Variants in DLG2 observed in about 807,000 individuals in gnomAD.
DLG2 encodes disks large homolog 2.
A neutral mutation model predicts 132.5 loss-of-function variants in DLG2; 45 were observed. That is an observed-to-expected ratio of 0.34 (90% CI 0.27 to 0.44). The LOEUF (loss-of-function observed/expected upper bound fraction) is 0.44, where lower values mean the gene tolerates loss of function less well. Ranked by LOEUF, DLG2 falls within the 20% of genes least tolerant of loss-of-function variation. DLG2 has a pLI of 1.00. For missense variants in DLG2, 1,045 were observed against 1,196.9 expected, an observed-to-expected ratio of 0.87 and a Z score of 1.87; for synonymous variants, 424 against 419.6, an observed-to-expected ratio of 1.01 and a Z score of -0.13.
In DLG2 at chr11:84,445,049, T is replaced by C. The variant is rs564680993; in HGVS notation, c.519+89521A>G. On this transcript the variant is annotated intron_variant, in intron 7 of 27. Coordinates refer to ENST00000376104, the MANE Select transcript of DLG2 (RefSeq NM_001142699.3). ...AACTCCTGACCTCAGGCAGACCAGG[T>C]AATCCGCCTGCCTCGGCTTCCCAAA... Among the ~76,000 whole-genome samples the C allele has an allele frequency of 1.2e-3, 177 of 152,234 alleles. 1 individual carries two copies. Among genetic ancestry groups the C allele is most frequent in the African/African-American group, 4.1e-3 (171 of 41,526 alleles).
At chr11:83,977,960 G>A (rs900389340) in intron 12 of DLG2, among the ~76,000 whole-genome samples, 3 of 152,076 alleles carry the variant, frequency 2.0e-5, no homozygotes, top group African/African-American at 7.2e-5. Context: ...TGTAGGAATA[G>A]AAATATTCTA....
At chr11:84,545,126 A>G in intron 6 of DLG2, 1 of 446,702 alleles carries the variant, frequency 2.2e-6, no homozygotes, top group South Asian at 1.6e-5. Context: ...GTTTCTTTGC[A>G]GTAATTAGAA....
intron 3 of DLG2, among the ~76,000 whole-genome samples, chr11:85,509,642 T>G (rs2094012172): frequency 6.7e-6 from 1 of 150,060 alleles, no homozygotes; most frequent in African/African-American, 2.4e-5. Context: ...AATGCAGACC[T>G]ATTATTATTT....
At chr11:84,438,391 T>G (rs1486704213) in intron 7 of DLG2, among the ~76,000 whole-genome samples, 2 of 152,080 alleles carry the variant, frequency 1.3e-5, no homozygotes, top group African/African-American at 2.4e-5. Context: ...GGACGATTTT[T>G]TGACATAGTT....
At chr11:83,945,098 C>T (rs776418275) in intron 14 of DLG2, among the ~76,000 whole-genome samples, 9 of 152,072 alleles carry the variant, frequency 5.9e-5, no homozygotes, top group Admixed American at 2.0e-4. Flanking sequence ...CAAACTTTCA[C>T]GGTGGATATT....
At chr11:84,584,100 T>C (rs1027081414) in intron 6 of DLG2, among the ~76,000 whole-genome samples, 4 of 152,236 alleles carry the variant, frequency 2.6e-5, no homozygotes, top group Admixed American at 2.6e-4. Flanking sequence ...TGTTCAGCTT[T>C]ATAAAATAAT....
chr11:84,568,069 T>A (rs1428562248), intron 6 of DLG2, among the ~76,000 whole-genome samples: 10 of 152,160 alleles, frequency 6.6e-5, no homozygotes, highest in Non-Finnish European at 1.3e-4. Context: ...ACTTTGGTTT[T>A]ACCTCACAGG....
chr11:85,201,006 A>G (rs2081417519), intron 4 of DLG2, among the ~76,000 whole-genome samples: 1 of 151,252 alleles, frequency 6.6e-6, no homozygotes, highest in Admixed American at 6.6e-5. Flanking sequence ...GGCTAATGAG[A>G]ATAAGCTCTC....
At chr11:84,251,939 G>A (rs756708134) in intron 7 of DLG2, among the ~76,000 whole-genome samples, 1 of 151,796 alleles carries the variant, frequency 6.6e-6, no homozygotes, top group Non-Finnish European at 1.5e-5. Flanking sequence ...CACTCGACCT[G>A]TATCATTTCT....
intron 16 of DLG2, among the ~76,000 whole-genome samples, chr11:83,837,647 G>A (rs1477904843): frequency 6.7e-6 from 1 of 150,310 alleles, no homozygotes; most frequent in Non-Finnish European, 1.5e-5. Context: ...GGTTTTACTT[G>A]GGGCTGTTTT....
chr11:84,569,959 C>A (rs1427159548), intron 6 of DLG2, among the ~76,000 whole-genome samples: 1 of 152,136 alleles, frequency 6.6e-6, no homozygotes, highest in Non-Finnish European at 1.5e-5. Flanking sequence ...CTAATTCTAA[C>A]TAATTACCTG....
chr11:84,009,789 T>C (rs891659794), intron 11 of DLG2, among the ~76,000 whole-genome samples: 5 of 152,104 alleles, frequency 3.3e-5, no homozygotes, highest in Non-Finnish European at 5.9e-5. Context: ...GAAAATTACA[T>C]TTCATTCACT....
intron 7 of DLG2, among the ~76,000 whole-genome samples, chr11:84,338,364 T>C (rs2098497810): frequency 6.6e-6 from 1 of 152,228 alleles, no homozygotes; most frequent in Non-Finnish European, 1.5e-5. Context: ...TAACTGGATC[T>C]AAAACTTAGC....
intron 6 of DLG2, among the ~76,000 whole-genome samples, chr11:84,547,442 T>A (rs953627120): frequency 6.6e-6 from 1 of 152,270 alleles, no homozygotes; most frequent in East Asian, 1.9e-4. Flanking sequence ...TGCACTTTTG[T>A]ATGCAAAAAG....
At position 83,566,890 on chromosome 11, in the gene DLG2, T is replaced by A. The variant is rs77485812; in HGVS notation, c.1941-25032A>T. On this transcript the variant is annotated intron_variant, in intron 19 of 27. Transcript: ENST00000376104. ...ATATGAGAGTAAATAAAATACTGTA[T>A]GCAAATTTCTGAAAACAGTGCCTAA... 3.6e-3 allele frequency among the ~76,000 whole-genome samples: 542 copies of A among 152,282 alleles called. 2 individuals are homozygous for A. Among genetic ancestry groups the A allele is most frequent in the African/African-American group, 0.012 (509 of 41,560 alleles).
chr11:85,002,842 C>A (rs572015516), intron 6 of DLG2, among the ~76,000 whole-genome samples: 1 of 151,966 alleles, frequency 6.6e-6, no homozygotes, highest in Non-Finnish European at 1.5e-5. Flanking sequence ...CTTTTCTTCT[C>A]CTCAGCTCAA....
At chr11:84,149,616 T>C (rs1332205844) in intron 9 of DLG2, among the ~76,000 whole-genome samples, 2 of 152,212 alleles carry the variant, frequency 1.3e-5, no homozygotes, top group Non-Finnish European at 2.9e-5. Flanking sequence ...TTGGTTTCTG[T>C]AGCCTTGTAA....
At chr11:84,671,045 G>T (rs958465072) in intron 6 of DLG2, among the ~76,000 whole-genome samples, 1 of 151,842 alleles carries the variant, frequency 6.6e-6, no homozygotes, top group African/African-American at 2.4e-5. Flanking sequence ...GGTTACATCC[G>T]GCAGCCTTGT....
chr11:83,678,231 G>C (rs1468092818), intron 18 of DLG2, among the ~76,000 whole-genome samples: 1 of 152,034 alleles, frequency 6.6e-6, no homozygotes, highest in African/African-American at 2.4e-5. Context: ...GATTTCTTTT[G>C]GGTTAATGGA....
Sources: allele counts gnomAD v4.1 joint callset (sites outside exome capture counted in the v4.1 genomes callset), GRCh38; gene constraint gnomAD v4.1.1; transcripts MANE v1.5; gene names NCBI Gene and HGNC (gene_info 2026-07-23, HGNC 2026-07-21).